EP400: variants seen among roughly 807,000 people sequenced by gnomAD.
The protein encoded by EP400 is E1A-binding protein p400.
In EP400, 105 loss-of-function variants were observed where a neutral mutation model predicts 354.1. The ratio of observed to expected loss-of-function variants is 0.30; its 90% CI spans 0.25 to 0.35. EP400 has a LOEUF of 0.35. Among genes scored for constraint, EP400 ranks in the 10% least tolerant of loss-of-function variants. The probability of loss-of-function intolerance (pLI) is 1.00; values close to 1 mark genes in which losing one functional copy is unlikely to be tolerated. For missense variants in EP400, 3,280 were observed against 4,121.0 expected, an observed-to-expected ratio of 0.80 and a Z score of 5.59; for synonymous variants, 1,646 against 1,716.9, an observed-to-expected ratio of 0.96 and a Z score of 1.02.
In EP400 at chr12:131,971,835, C is replaced by T. The variant is rs190491536; in HGVS notation, c.1336-7859C>T. Among the ~76,000 whole-genome samples the T allele has an allele frequency of 8.2e-4, 124 of 152,128 alleles. No individual in the cohort carries two copies. In the Middle Eastern group the frequency reaches 0.01, roughly 13 times the overall value. Reference sequence around the variant, plus strand: ...ATTTTTCCACTTTCCTCCTCCACATCGTATTATGAAAATTCCAAACAAGTT... The same window carrying T: ...ATTTTTCCACTTTCCTCCTCCACATTGTATTATGAAAATTCCAAACAAGTT... On this transcript the variant is annotated intron_variant, in intron 2 of 52. Coordinates refer to ENST00000389561, the MANE Select transcript of EP400 (RefSeq NM_015409.5).
chr12:132,043,280 A>T (rs750119908), intron 32 of EP400, 24 bp from the exon 33 acceptor site: 1 of 1,594,272 alleles, frequency 6.3e-7, no homozygotes, highest in South Asian at 1.1e-5. Flanking sequence ...CTATCAAGGC[A>T]ATCTAAACAT....
chr12:131,993,608 TGA>T (rs1893112895), intron 11 of EP400, among the ~76,000 whole-genome samples: 1 of 152,238 alleles, frequency 6.6e-6, no homozygotes. Context: ...GGATATATTC[TGA>T]GAGATGCGTT....
intron 51 of EP400, among the ~76,000 whole-genome samples, chr12:132,074,875 G>A (rs2136625536): frequency 6.6e-6 from 1 of 152,332 alleles, no homozygotes; most frequent in East Asian, 1.9e-4. Context: ...TGAGTGAGGT[G>A]TTTTTCTGGA....
At position 131,982,220 on chromosome 12, in the gene EP400, G is replaced by A; in HGVS notation, c.1671G>A (p.Leu557=). ...AASLHTPLPQ[L]PGRLPPAGVP... ...GCTTGCACACCCCACTGCCGCAGCT[G>A]CCCGGGAGGCTGCCCCCAGCCGGTG... The change falls in exon 5 of 53, where the codon CTG becomes CTA. Residue 557 remains leucine (L), a synonymous_variant. Transcript: ENST00000389561. 1 of 1,613,934 alleles carries A rather than the reference G, an allele frequency of 6.2e-7. No individual in the cohort carries two copies. The highest frequency in any genetic ancestry group is 2.2e-5 in the East Asian group (1 of 44,880).
Position 132,079,516 on chromosome 12 carries a change from G to A in EP400, c.*1843G>A, listed in dbSNP as rs920151179. 3 of 152,220 alleles carry A rather than the reference G, an allele frequency of 2.0e-5. No individual in the cohort carries two copies. Among genetic ancestry groups the A allele is most frequent in the African/African-American group, 4.8e-5 (2 of 41,456 alleles). 9.4% of individuals were successfully genotyped at this position (152,220 alleles called of 1,614,324 possible). A position where few individuals can be genotyped will look rare whatever the true frequency, so the allele number is the denominator to read the frequency against. On this transcript the variant is annotated 3_prime_UTR_variant, in exon 53 of 53. Coordinates refer to ENST00000389561, the MANE Select transcript of EP400 (RefSeq NM_015409.5). ...CTGCCTTTGTCATTTGTTTTAATTT[G>A]TGTGCCCTGTTCATTTTTTTTGTCT...
Position 132,013,284 on chromosome 12 carries a change from A to G in EP400, c.3611+106A>G. 6.9e-7 allele frequency: 1 copy of G among 1,455,538 alleles called. No individual in the cohort carries two copies. The highest frequency in any genetic ancestry group is 1.4e-5 in the African/African-American group (1 of 71,028). The allele number at this position is 1,455,538 out of a possible 1,614,324, so 90.2% of individuals were successfully genotyped here. The stretch of plus-strand genomic sequence containing the variant: ...AGACACAAACAATGGCCTTTGAGCT[A>G]GAGAATTGCTTTTCATCTTCATCCC... On this transcript the variant is annotated intron_variant, in intron 17 of 52. Coordinates refer to ENST00000389561, the MANE Select transcript of EP400 (RefSeq NM_015409.5). The surrounding 1 kb of genome is among the most constrained non-coding windows in gnomAD (Gnocchi z 4.5).
intron 1 of EP400, among the ~76,000 whole-genome samples, chr12:131,955,170 A>C (rs768134083): frequency 6.6e-6 from 1 of 152,234 alleles, no homozygotes; most frequent in Non-Finnish European, 1.5e-5. Context: ...TATTTTAGAT[A>C]AACAGTTTCT....
Position 132,052,878 on chromosome 12 carries a change from G to T in EP400, c.7395-268G>T, listed in dbSNP as rs144488168. On this transcript the variant is annotated intron_variant, in intron 41 of 52. Coordinates refer to ENST00000389561, the MANE Select transcript of EP400 (RefSeq NM_015409.5). The surrounding 1 kb of genome is among the most constrained non-coding windows in gnomAD (Gnocchi z 4.4). ...GAGGTGGGCTGTGCGTTTGGGGGCT[G>T]CCACAAGTACGCTGGGGACGTGTTC... Among the ~76,000 whole-genome samples, 5 of 152,274 alleles carry T rather than the reference G, an allele frequency of 3.3e-5. No homozygotes were observed. Among genetic ancestry groups the T allele is most frequent in the African/African-American group, 1.2e-4 (5 of 41,562 alleles).
At chr12:131,952,637 A>G (rs1042797648) in intron 1 of EP400, among the ~76,000 whole-genome samples, 9 of 152,048 alleles carry the variant, frequency 5.9e-5, no homozygotes, top group African/African-American at 2.2e-4. Flanking sequence ...TTTTTTGTAG[A>G]GACACTATCT....
rs550467807 is a variant in EP400, at chr12:131,991,559, A to G, written c.2679+103A>G. On this transcript the variant is annotated intron_variant, in intron 10 of 52. Transcript: ENST00000389561. ...CCAGAGGAATTTGTAGGCTGTGACT[A>G]TTACTTCCTTTCTTTTCTTTTTTTT... 9 of 921,402 alleles carry G rather than the reference A, an allele frequency of 9.8e-6. 1 individual carries two copies. The South Asian group carries it at 1.0e-4, about 11-fold the overall frequency. 57.1% of individuals were successfully genotyped at this position (921,402 alleles called of 1,614,324 possible).
chr12:131,963,146 T>C (rs1239226432), intron 2 of EP400, among the ~76,000 whole-genome samples: 3 of 152,342 alleles, frequency 2.0e-5, no homozygotes, highest in Admixed American at 2.0e-4. Context: ...GAAAAACAAA[T>C]TCGTTTTTCC....
chr12:132,028,295 C>T lies in EP400; in HGVS notation c.5381+7C>T. 1 of 1,609,072 alleles carries T rather than the reference C, an allele frequency of 6.2e-7. No individual in the cohort carries two copies. Among genetic ancestry groups the T allele is most frequent in the African/African-American group, 1.3e-5 (1 of 74,988 alleles). ...TGCAGGATGTTATTGACAGGTACTG[C>T]AGACCTCGTGACCTTTTCGGTGCTC... On this transcript the variant is annotated splice_region_variant and intron_variant, in intron 27 of 52. Transcript: ENST00000389561.
Position 131,961,848 on chromosome 12 carries a change from A to T in EP400, c.1229A>T (p.His410Leu), listed in dbSNP as rs909500396. 3 of 1,614,118 alleles carry T rather than the reference A, an allele frequency of 1.9e-6. No individual in the cohort carries two copies. The highest frequency in any genetic ancestry group is 1.3e-5 in the African/African-American group (1 of 74,946). The part of the protein sequence containing the change: ...MMDFLAFKKK[H>L]YAPLQAYLRQ... ...GATTTCTTAGCTTTCAAGAAGAAAC[A>T]TTATGCCCCATTACAAGCATATCTT... Residue 410 changes from histidine to leucine, a missense_variant, in exon 2 of 53, where the codon CAT becomes CTT. Physicochemically the swap from His to Leu is moderately conservative, Grantham distance 99. This residue lies in a region of EP400 where 800 missense variants were observed against 840.0 expected (regional missense o/e 0.95). Transcript: ENST00000389561.
At chr12:132,031,491 C>CG (rs1253675158) in intron 29 of EP400, 1 of 431,328 alleles carries the variant, frequency 2.3e-6, no homozygotes, top group African/African-American at 2.0e-5. Flanking sequence ...GAATACAGTG[C>CG]GGGGACCTTG....
rs1565927615 is a variant in EP400, at chr12:132,045,828, C to G, written c.7128C>G (p.Ser2376Arg). 1 of 1,614,234 alleles carries G rather than the reference C, an allele frequency of 6.2e-7. No homozygotes were observed. The change falls in exon 39 of 53, where the codon AGC becomes AGG. Residue 2376 changes from serine to arginine, a missense_variant. By Grantham distance (110) the Ser-to-Arg change is moderately radical (BLOSUM62 -1). Around this residue, in one of 20 missense-constraint regions of EP400, gnomAD observed 84 missense variants for 133.0 expected, o/e 0.63. Coordinates refer to ENST00000389561, the MANE Select transcript of EP400 (RefSeq NM_015409.5). ...DLVSDVVNSC[S>R]RIYRSSKQCR... ...TCAGTGACGTTGTTAACTCCTGTAG[C>G]CGAATCTACCGCTCTTCCAAACAGT... is the stretch of plus-strand genomic sequence containing the variant.
chr12:131,970,663 C>T (rs1357316745), intron 2 of EP400, among the ~76,000 whole-genome samples: 1 of 152,170 alleles, frequency 6.6e-6, no homozygotes, highest in Non-Finnish European at 1.5e-5. Context: ...GTAAGCAAAG[C>T]TGAGAGGGTT....
intron 5 of EP400, 81 bp from the exon 6 acceptor site, chr12:131,986,433 G>A: frequency 1.4e-6 from 2 of 1,430,806 alleles, no homozygotes; most frequent in South Asian, 1.3e-5. Flanking sequence ...CTCTGGTGCT[G>A]TGGGCGCTCA....
At chr12:132,055,735 GTGTGAAGTGTAGGAGGGTA>G in intron 45 of EP400, among the ~76,000 whole-genome samples, 2 of 151,232 alleles carry the variant, frequency 1.3e-5, no homozygotes, top group South Asian at 2.1e-4. Context: ...AGGGGTGTGT[GTGTGAAGTGTAGGAGGGTA>G]TGTGTGTGTG....
At position 132,038,028 on chromosome 12, in the gene EP400, G is replaced by T; in HGVS notation, c.6139G>T (p.Val2047Leu). The T allele has an allele frequency of 6.2e-7, 1 of 1,614,232 alleles. No homozygotes were observed. The highest frequency in any genetic ancestry group is 8.5e-7 in the Non-Finnish European group (1 of 1,180,034). The change falls in exon 32 of 53, where the codon GTG (valine) becomes TTG (leucine). Residue 2047 changes from valine to leucine, a missense_variant. Val to Leu is a conservative substitution (Grantham distance 32). Coordinates refer to ENST00000389561, the MANE Select transcript of EP400 (RefSeq NM_015409.5). This position sits in a 1 kb window ranked among gnomAD's most constrained non-coding sequence, Gnocchi z 4.2. ...AGFPVKAEEF[V>L]VLSQEPSVTE... ...CTTCCCGGTCAAAGCTGAGGAGTTT[G>T]TGGTGCTTTCTCAGGAACCTTCTGT...
Sources: allele counts gnomAD v4.1 joint callset (sites outside exome capture counted in the v4.1 genomes callset), GRCh38; gene constraint gnomAD v4.1.1; regional missense constraint gnomAD v4.1.1; non-coding constraint Gnocchi (gnomAD v3.1); transcripts MANE v1.5; gene names NCBI Gene and HGNC (gene_info 2026-07-23, HGNC 2026-07-21).